The following RUNDC3B variants were observed in gnomAD, a reference collection of about 807,000 sequenced individuals.
The protein encoded by RUNDC3B is RUN domain containing 3B, also known as RUN domain-containing protein 3B.
RUNDC3B carries 33 observed loss-of-function variants against 58.4 expected under a neutral mutation model. The ratio of observed to expected loss-of-function variants is 0.56; its 90% confidence interval spans 0.43 to 0.75. RUNDC3B has a LOEUF of 0.75. RUNDC3B is among the 30% of genes least tolerant of loss of function. The pLI is 0.00. For missense variants in RUNDC3B, 501 were observed against 535.7 expected (o/e 0.94, Z 0.64); for synonymous variants, 193 against 195.2 (o/e 0.99, Z 0.10).
chr7:87,634,166 A>G (rs547229916), intron 1 of RUNDC3B, among the ~76,000 whole-genome samples: 2 of 152,266 alleles, frequency 1.3e-5, no homozygotes, highest in African/African-American at 4.8e-5. Flanking sequence ...AGTGGGTGAT[A>G]AGTACCAAGC....
At chr7:87,634,494 T>TGGG (rs58092989) in intron 1 of RUNDC3B, among the ~76,000 whole-genome samples, 1 of 73,262 alleles carries the variant, frequency 1.4e-5, no homozygotes, top group Non-Finnish European at 2.6e-5. Flanking sequence ...TGGTGGGGGG[T>TGGG]GGGGGGGGGG....
intron 2 of RUNDC3B, among the ~76,000 whole-genome samples, chr7:87,679,367 A>C (rs1826696994): frequency 6.7e-6 from 1 of 149,740 alleles, no homozygotes; most frequent in Admixed American, 6.7e-5. Flanking sequence ...TGCTGGGATT[A>C]CAAGTGTGAG....
At chr7:87,713,566 A>G (rs780756895) in intron 4 of RUNDC3B, among the ~76,000 whole-genome samples, 15 of 151,558 alleles carry the variant, frequency 9.9e-5, no homozygotes, top group Non-Finnish European at 2.1e-4. Flanking sequence ...TACATGGCTT[A>G]GGGATTGGGG....
chr7:87,714,308 A>G (rs1233327780), intron 4 of RUNDC3B, among the ~76,000 whole-genome samples: 2 of 152,172 alleles, frequency 1.3e-5, no homozygotes, highest in African/African-American at 4.8e-5. Context: ...GGTGCCAACA[A>G]TGCACTGGAT....
chr7:87,798,693 T>TAAAAAAAA (rs1177888006), intron 8 of RUNDC3B, among the ~76,000 whole-genome samples: 2 of 152,208 alleles, frequency 1.3e-5, no homozygotes, highest in African/African-American at 4.8e-5. Context: ...CTTGATTTTT[T>TAAAAAAAA]TTAAGTTCTA....
chr7:87,665,483 A>G (rs1165123942), intron 2 of RUNDC3B, among the ~76,000 whole-genome samples: 1 of 152,130 alleles, frequency 6.6e-6, no homozygotes, highest in Non-Finnish European at 1.5e-5. Flanking sequence ...GGTTGGAAGA[A>G]TTTTTATTGT....
chr7:87,666,217 A>G (rs1007471876), intron 2 of RUNDC3B, among the ~76,000 whole-genome samples: 1 of 151,910 alleles, frequency 6.6e-6, no homozygotes, highest in Non-Finnish European at 1.5e-5. Context: ...TGTGGTTTTG[A>G]TTTGCATTTT....
chr7:87,684,190 C>T (rs181040733), intron 2 of RUNDC3B, among the ~76,000 whole-genome samples: 2 of 152,258 alleles, frequency 1.3e-5, no homozygotes, highest in African/African-American at 2.4e-5. Flanking sequence ...AACATTGATA[C>T]TGTTGATATT....
chr7:87,644,149 G>GT (rs1303814642), intron 1 of RUNDC3B, among the ~76,000 whole-genome samples: 2 of 152,238 alleles, frequency 1.3e-5, no homozygotes, highest in Non-Finnish European at 2.9e-5. Context: ...GTGAGCCACC[G>GT]TGCCCAGACC....
chr7:87,788,141 G>A (rs551092719), intron 8 of RUNDC3B, among the ~76,000 whole-genome samples: 12 of 152,264 alleles, frequency 7.9e-5, no homozygotes, highest in Non-Finnish European at 1.6e-4. Flanking sequence ...GATTATGGTG[G>A]GCCAAGCACA....
chr7:87,790,348 C>T (rs888483410), intron 8 of RUNDC3B, among the ~76,000 whole-genome samples: 1 of 152,148 alleles, frequency 6.6e-6, no homozygotes, highest in Non-Finnish European at 1.5e-5. Flanking sequence ...CATTGACTAC[C>T]TGGAAAGCCT....
chr7:87,650,841 A>G lies in RUNDC3B; in HGVS notation c.142A>G (p.Ile48Val), dbSNP rs1469191871. The G allele has an allele frequency of 1.2e-6, 2 of 1,608,160 alleles. No individual in the cohort carries two copies. ...TCATAGGTTTTCTGTGAAGACCCTG[A>G]TTGATCGGTCTTGCTTTGAGACAAT... Reference protein sequence around the residue: ...TVCRFSVKTLIDRSCFETIDD... With the variant: ...TVCRFSVKTLVDRSCFETIDD... Residue 48 changes from isoleucine (I) to valine (V), a missense_variant, in exon 2 of 11, where the codon ATT (isoleucine) becomes GTT (valine). Ile to Val is a conservative substitution (Grantham distance 29). Coordinates refer to ENST00000394654, the MANE Select transcript of RUNDC3B (RefSeq NM_001134405.2).
In RUNDC3B at chr7:87,777,884, A is replaced by G. The variant is rs377614525; in HGVS notation, c.885A>G (p.Glu295=). ...SQNKILLQRI[E]DSDLAHKLEK... is the part of the protein sequence containing the mutation. ...ATAAAATACTACTTCAAAGGATTGA[A>G]GATTCCGATCTGGCTCATAAACTGG... The change falls in exon 8 of 11, where the codon GAA becomes GAG. Residue 295 remains glutamate (E), a synonymous_variant. Transcript: ENST00000394654. The G allele has an allele frequency of 4.3e-5, 70 of 1,613,486 alleles. No homozygotes were observed. The highest frequency in any genetic ancestry group is 4.4e-5 in the Non-Finnish European group (52 of 1,179,618).
chr7:87,661,333 T>C (rs1446981480), intron 2 of RUNDC3B, among the ~76,000 whole-genome samples: 1 of 152,004 alleles, frequency 6.6e-6, no homozygotes, highest in African/African-American at 2.4e-5. Flanking sequence ...CACCCTGTTG[T>C]GTGATCAAAT....
Position 87,770,691 on chromosome 7 carries a change from G to A in RUNDC3B, c.740G>A (p.Ser247Asn), listed in dbSNP as rs1834230831. The change falls in exon 7 of 11, where the codon AGT (serine) becomes AAT (asparagine). Residue 247 changes from serine to asparagine, a missense_variant. Coordinates refer to ENST00000394654, the MANE Select transcript of RUNDC3B (RefSeq NM_001134405.2). The part of the protein sequence containing the change: ...VGPPFLMDEN[S>N]WFNKCKRVKQ... ...CCTCCTTTCCTCATGGATGAGAACA[G>A]TTGGTTCAACAAGTGTAAGAGAGTT... is the stretch of plus-strand genomic sequence containing the variant. 6.2e-7 allele frequency: 1 copy of A among 1,613,528 alleles called. No individual in the cohort carries two copies. Among genetic ancestry groups the A allele is most frequent in the Admixed American group, 1.7e-5 (1 of 59,990 alleles).
chr7:87,743,676 TAC>T (rs1832480359), intron 6 of RUNDC3B, among the ~76,000 whole-genome samples: 1 of 152,172 alleles, frequency 6.6e-6, no homozygotes. Flanking sequence ...GTTTTTTTCA[TAC>T]TGATTTGTTT....
intron 1 of RUNDC3B, among the ~76,000 whole-genome samples, chr7:87,639,804 G>A (rs1170690458): frequency 2.0e-5 from 3 of 151,808 alleles, no homozygotes; most frequent in Admixed American, 6.6e-5. Context: ...GTCCTTGTAG[G>A]TAAGATAGGA....
At chr7:87,781,744 T>A (rs1834935668) in intron 8 of RUNDC3B, among the ~76,000 whole-genome samples, 1 of 152,124 alleles carries the variant, frequency 6.6e-6, no homozygotes, top group African/African-American at 2.4e-5. Flanking sequence ...GATATGATCA[T>A]ACGGTTTTTG....
At chr7:87,818,627 A>G (rs1272912308) in intron 10 of RUNDC3B, among the ~76,000 whole-genome samples, 1 of 152,230 alleles carries the variant, frequency 6.6e-6, no homozygotes, top group East Asian at 1.9e-4. Flanking sequence ...GACATTAAAT[A>G]AACTTCAAAT....
Sources: gnomAD v4.1 joint callset for allele counts (sites outside exome capture counted in the v4.1 genomes callset) on GRCh38, gnomAD v4.1.1 for gene constraint, MANE v1.5 for transcripts, NCBI Gene and HGNC (gene_info 2026-07-23, HGNC 2026-07-21) for gene names.